ZNF628: variants seen among roughly 807,000 people sequenced by gnomAD.
ZNF628 encodes the protein zinc finger protein Zec.
In ZNF628, 3 loss-of-function variants were observed where a neutral mutation model predicts 2.5. The observed-to-expected ratio is 1.19, with a 90% CI of 0.54 to 3.07. The LOEUF (loss-of-function observed/expected upper bound fraction) is 3.07. ZNF628 is among the 30% of genes most tolerant of loss of function. The probability of loss-of-function intolerance (pLI) is 0.03; values close to 1 mark genes in which losing one functional copy is unlikely to be tolerated. For synonymous variants in ZNF628, 861 were observed against 717.1 expected (o/e 1.20, Z -3.21); for missense variants, 1,610 against 1,517.1 (o/e 1.06, Z -1.02).
In ZNF628 at chr19:55,481,458, G is replaced by A; in HGVS notation, c.265G>A (p.Glu89Lys). The stretch of plus-strand genomic sequence containing the variant: ...CTACCACCAGCGAGGCCACACGGGC[G>A]AGCGGCCCTACCAGTGCCCCGACTG... ...LLYHQRGHTG[E>K]RPYQCPDCPK... Residue 89 changes from glutamate (E) to lysine (K), a missense_variant, in exon 3 of 3, where the codon GAG (glutamate) becomes AAG (lysine). This residue lies in a region of ZNF628 where 166 missense variants were observed against 241.3 expected (regional missense o/e 0.69). Transcript: ENST00000598519. 6.2e-7 allele frequency: 1 copy of A among 1,612,772 alleles called. No homozygotes were observed. The highest frequency in any genetic ancestry group is 8.5e-7 in the Non-Finnish European group (1 of 1,179,676).
At chr19:55,476,875 C>CCG (rs1986558945) in intron 1 of ZNF628, 68 bp downstream of exon 1, 1 of 20,038 alleles carries the variant, frequency 5.0e-5, no homozygotes, top group African/African-American at 1.3e-4. Flanking sequence ...GGGGGTGGGG[C>CCG]GGGGGGGGGG....
In ZNF628 at chr19:55,484,034, TC is replaced by T. The variant is rs1216316705; in HGVS notation, c.2842del (p.Arg948AspfsTer7). The T allele has an allele frequency of 6.3e-7, 1 of 1,595,862 alleles. No individual in the cohort carries two copies. Among genetic ancestry groups the T allele is most frequent in the Non-Finnish European group, 8.5e-7 (1 of 1,171,762 alleles). The part of the protein sequence containing the change: ...VLSGADGEQT[R>X]LCVQEVETLP... ...TGAGCGGGGCCGATGGCGAACAGAC[TC>T]GACTCTGCGTACAGGAGGTAGAAAC... On this transcript the variant is annotated frameshift_variant, in exon 3 of 3. Transcript: ENST00000598519. LOFTEE classifies it low-confidence loss of function (END_TRUNC).
chr19:55,482,060 C>G lies in ZNF628; in HGVS notation c.867C>G (p.Thr289=). 6.7e-7 allele frequency: 1 copy of G among 1,500,110 alleles called. No individual in the cohort carries two copies. The highest frequency in any genetic ancestry group is 8.9e-7 in the Non-Finnish European group (1 of 1,126,798). The allele number at this position is 1,500,110 out of a possible 1,614,324, so 92.9% of individuals were successfully genotyped here. Residue 289 remains threonine, a synonymous_variant, in exon 3 of 3, where the codon ACC becomes ACG. Coordinates refer to ENST00000598519, the MANE Select transcript of ZNF628 (RefSeq NM_033113.3). ...VPELFLAAAE[T]TVELVYRCDG... is the part of the protein sequence containing the mutation. ...AGCTCTTTTTGGCGGCGGCGGAGAC[C>G]ACGGTGGAGCTGGTGTACCGCTGCG...
At chr19:55,477,548 G>A (rs1986586912) in intron 1 of ZNF628, among the ~76,000 whole-genome samples, 1 of 151,916 alleles carries the variant, frequency 6.6e-6, no homozygotes, top group South Asian at 2.1e-4. Context: ...GATCACTTGA[G>A]GCCAGGAGTT....
At position 55,482,328 on chromosome 19, in the gene ZNF628, G is replaced by A. The variant is rs1265625355; in HGVS notation, c.1135G>A (p.Gly379Arg). 4.8e-6 allele frequency: 7 copies of A among 1,458,796 alleles called. No individual in the cohort carries two copies. Among genetic ancestry groups the A allele is most frequent in the East Asian group, 6.0e-5 (2 of 33,104 alleles). The allele number at this position is 1,458,796 out of a possible 1,614,324, so 90.4% of individuals were successfully genotyped here. A position where few individuals can be genotyped will look rare whatever the true frequency, so the allele number is the denominator to read the frequency against. Residue 379 changes from glycine to arginine, a missense_variant, in exon 3 of 3, where the codon GGG becomes AGG. Around this residue, in one of 5 missense-constraint regions of ZNF628, gnomAD observed 651 missense variants for 575.6 expected, o/e 1.13. Transcript: ENST00000598519. ...AGLSRHQHSHGAAGGQAFRCG... is the reference protein window; with the variant it reads ...AGLSRHQHSHRAAGGQAFRCG... ...GCTCTCCCGCCACCAGCACAGCCAC[G>A]GGGCTGCCGGCGGGCAAGCGTTCCG...
chr19:55,483,718 C>A lies in ZNF628; in HGVS notation c.2525C>A (p.Thr842Lys), dbSNP rs1486070285. 6.2e-7 allele frequency: 1 copy of A among 1,613,156 alleles called. No homozygotes were observed. The highest frequency in any genetic ancestry group is 1.1e-5 in the South Asian group (1 of 91,074). The change falls in exon 3 of 3, where the codon ACA becomes AAA. Residue 842 changes from threonine to lysine, a missense_variant. Around this residue, in one of 5 missense-constraint regions of ZNF628, gnomAD observed 712 missense variants for 603.6 expected, o/e 1.18. Coordinates refer to ENST00000598519, the MANE Select transcript of ZNF628 (RefSeq NM_033113.3). Reference protein sequence around the residue: ...VQLQPAQEVTTVQLQPAQEVT... With the variant: ...VQLQPAQEVTKVQLQPAQEVT... ...CTCCAGCCAGCGCAGGAGGTGACCA[C>A]AGTCCAGCTCCAGCCAGCACAGGAA... is the stretch of plus-strand genomic sequence containing the variant.
At position 55,483,202 on chromosome 19, in the gene ZNF628, G is replaced by T. The variant is rs1017482348; in HGVS notation, c.2009G>T (p.Arg670Leu). 2.6e-6 allele frequency: 4 copies of T among 1,544,048 alleles called. No individual in the cohort carries two copies. The highest frequency in any genetic ancestry group is 3.5e-6 in the Non-Finnish European group (4 of 1,151,854). The change falls in exon 3 of 3, where the codon CGG becomes CTG. Residue 670 changes from arginine to leucine, a missense_variant. By Grantham distance (102) the Arg-to-Leu change is moderately radical (BLOSUM62 -2). This residue lies in a region of ZNF628 where 712 missense variants were observed against 603.6 expected (regional missense o/e 1.18). Coordinates refer to ENST00000598519, the MANE Select transcript of ZNF628 (RefSeq NM_033113.3). ...CCCCCTGCTCCACTGGCTGCTGCGCGGGCCCCGCCAGCCACCCAAGATGTC... is the reference window on the plus strand; with the variant it reads ...CCCCCTGCTCCACTGGCTGCTGCGCTGGCCCCGCCAGCCACCCAAGATGTC... ...PQPPAPLAAA[R>L]APPATQDVHV... is the part of the protein sequence containing the mutation.
In ZNF628 at chr19:55,481,256, C is replaced by G; in HGVS notation, c.63C>G (p.Ala21=). The G allele has an allele frequency of 6.3e-7, 1 of 1,584,220 alleles. No homozygotes were observed. The highest frequency in any genetic ancestry group is 8.6e-7 in the Non-Finnish European group (1 of 1,167,712). ...CGCCGGCCTCTACTGCGGAGGGGGC[C>G]GGGGAGAAGCCAGGCCCTGCGGCCC... is the stretch of plus-strand genomic sequence containing the variant. ...DMAPASTAEG[A]GEKPGPAAPA... Residue 21 remains alanine (A), a synonymous_variant, in exon 3 of 3, where the codon GCC becomes GCG. Transcript: ENST00000598519.
chr19:55,481,075 G>A, intron 2 of ZNF628, 126 bp from the exon 3 acceptor site: 1 of 1,282,172 alleles, frequency 7.8e-7, no homozygotes, highest in Non-Finnish European at 1.0e-6. Flanking sequence ...TCATCCTAAG[G>A]AAGGTCCCCT....
Position 55,482,508 on chromosome 19 carries a change from G to GCCCCCCCCCC in ZNF628, c.1315_1316insCCCCCCCCCC (p.Val439AlafsTer450). On this transcript the variant is annotated frameshift_variant, in exon 3 of 3. Coordinates refer to ENST00000598519, the MANE Select transcript of ZNF628 (RefSeq NM_033113.3). LOFTEE classifies it low-confidence loss of function (END_TRUNC). ...GGAACCGCTGGCGCCTGCCGCCCCC[G>GCCCCCCCCCC]TCCCGCCGCCACCCCCGTCCGCCCC... is the stretch of plus-strand genomic sequence containing the variant. The GCCCCCCCCCC allele has an allele frequency of 2.2e-5, 29 of 1,295,994 alleles. No homozygotes were observed. Among genetic ancestry groups the GCCCCCCCCCC allele is most frequent in the South Asian group, 4.4e-5 (3 of 68,288 alleles). 80.3% of individuals were successfully genotyped at this position (1,295,994 alleles called of 1,614,324 possible).
Position 55,483,687 on chromosome 19 carries a change from G to C in ZNF628, c.2494G>C (p.Val832Leu), listed in dbSNP as rs1415260584. The C allele has an allele frequency of 1.9e-6, 3 of 1,613,472 alleles. No homozygotes were observed. The highest frequency in any genetic ancestry group is 2.7e-5 in the African/African-American group (2 of 74,768). ...CCGACCAGCCCCAGAAGTAACCACG[G>C]TCCAGCTCCAGCCAGCGCAGGAGGT... is the stretch of plus-strand genomic sequence containing the variant. ...PLRPAPEVTTVQLQPAQEVTT... is the reference protein window; with the variant it reads ...PLRPAPEVTTLQLQPAQEVTT... Residue 832 changes from valine to leucine, a missense_variant, in exon 3 of 3, where the codon GTC becomes CTC. By Grantham distance (32) the Val-to-Leu change is conservative. Transcript: ENST00000598519.
At position 55,476,800 on chromosome 19, in the gene ZNF628, G is replaced by T. The variant is rs1261448177; in HGVS notation, c.-85G>T. 1.3e-5 allele frequency: 2 copies of T among 148,710 alleles called. No homozygotes were observed. Among genetic ancestry groups the T allele is most frequent in the African/African-American group, 4.9e-5 (2 of 40,552 alleles). The allele number at this position is 148,710 out of a possible 1,614,324, so 9.2% of individuals were successfully genotyped here. A position where few individuals can be genotyped will look rare whatever the true frequency, so the allele number is the denominator to read the frequency against. On this transcript the variant is annotated 5_prime_UTR_variant, in exon 1 of 3. Coordinates refer to ENST00000598519, the MANE Select transcript of ZNF628 (RefSeq NM_033113.3). ...CTGCCACCCTCGTTCCCCCGATTGG[G>T]GCCGCAGGTGAGAGACCGGAGGGGG...
chr19:55,477,307 T>C (rs1182591828), intron 1 of ZNF628, among the ~76,000 whole-genome samples: 1 of 151,838 alleles, frequency 6.6e-6, no homozygotes, highest in East Asian at 1.9e-4. Context: ...AAGGAGATGC[T>C]GGGGCTTCTC....
rs541614777 is a variant in ZNF628, at chr19:55,482,528, C to T, written c.1335C>T (p.Ser445=). The T allele has an allele frequency of 1.8e-4, 272 of 1,520,102 alleles. 4 individuals are homozygous for T. In the South Asian group the frequency reaches 2.1e-3, roughly 12 times the overall value. 94.2% of individuals were successfully genotyped at this position (1,520,102 alleles called of 1,614,324 possible). A position where few individuals can be genotyped will look rare whatever the true frequency, so the allele number is the denominator to read the frequency against. ...CCCCCGTCCCGCCGCCACCCCCGTC[C>T]GCCCCCGCTTCTGCGGAGCGGCCCT... is the stretch of plus-strand genomic sequence containing the variant. The part of the protein sequence containing the change: ...PAAPVPPPPP[S]APASAERPYK... The change falls in exon 3 of 3, where the codon TCC becomes TCT. Residue 445 remains serine, a synonymous_variant. Coordinates refer to ENST00000598519, the MANE Select transcript of ZNF628 (RefSeq NM_033113.3).
At chr19:55,477,383 C>T (rs1217539693) in intron 1 of ZNF628, among the ~76,000 whole-genome samples, 2 of 147,804 alleles carry the variant, frequency 1.4e-5, no homozygotes, top group East Asian at 2.1e-4. Context: ...TTTCTGGAGA[C>T]GGAGTCTTGC....
rs1005681256 is a variant in ZNF628 at position 55,482,720 on chromosome 19, C to A, written c.1527C>A (p.Ala509=). 6.2e-7 allele frequency: 1 copy of A among 1,612,868 alleles called. No homozygotes were observed. Among genetic ancestry groups the A allele is most frequent in the South Asian group, 1.1e-5 (1 of 91,058 alleles). ...IHQRVHTGLR[A]FTCGQCGLTF... ...AGCGGGTGCACACGGGCCTGCGGGC[C>A]TTCACCTGTGGCCAGTGCGGCCTCA... The change falls in exon 3 of 3, where the codon GCC becomes GCA. Residue 509 remains alanine, a synonymous_variant. Coordinates refer to ENST00000598519, the MANE Select transcript of ZNF628 (RefSeq NM_033113.3).
At position 55,482,436 on chromosome 19, in the gene ZNF628, G is replaced by C. The variant is rs1290877894; in HGVS notation, c.1243G>C (p.Gly415Arg). The C allele has an allele frequency of 1.4e-5, 19 of 1,351,232 alleles. No homozygotes were observed. The highest frequency in any genetic ancestry group is 5.1e-5 in the South Asian group (3 of 59,082). The allele number at this position is 1,351,232 out of a possible 1,614,324, so 83.7% of individuals were successfully genotyped here. A position where few individuals can be genotyped will look rare whatever the true frequency, so the allele number is the denominator to read the frequency against. The change falls in exon 3 of 3, where the codon GGG becomes CGG. Residue 415 changes from glycine to arginine, a missense_variant. Physicochemically the swap from Gly to Arg is moderately radical, Grantham distance 125. This residue lies in a region of ZNF628 where 651 missense variants were observed against 575.6 expected (regional missense o/e 1.13). Transcript: ENST00000598519. Reference protein sequence around the residue: ...QQCHVEEAAAGRPPPQAEAAE... With the variant: ...QQCHVEEAAARRPPPQAEAAE... Reference sequence around the variant, plus strand: ...GTGCCACGTGGAAGAGGCCGCGGCCGGGCGCCCGCCCCCGCAGGCTGAGGC... The same window carrying C: ...GTGCCACGTGGAAGAGGCCGCGGCCCGGCGCCCGCCCCCGCAGGCTGAGGC...
Position 55,481,767 on chromosome 19 carries a change from C to T in ZNF628, c.574C>T (p.Arg192Trp). 5 of 1,610,056 alleles carry T rather than the reference C, an allele frequency of 3.1e-6. No homozygotes were observed. Among genetic ancestry groups the T allele is most frequent in the Admixed American group, 1.7e-5 (1 of 59,646 alleles). The change falls in exon 3 of 3, where the codon CGG becomes TGG. Residue 192 changes from arginine (R) to tryptophan (W), a missense_variant. Physicochemically the swap from Arg to Trp is moderately radical, Grantham distance 101 (BLOSUM62 -3). Transcript: ENST00000598519. Reference sequence around the variant, plus strand: ...GAGCTTCACGCAGAGCACCAACCTGCGGCAGCACCAGCGCGTGCACACGGG... The same window carrying T: ...GAGCTTCACGCAGAGCACCAACCTGTGGCAGCACCAGCGCGTGCACACGGG... ...GKSFTQSTNLRQHQRVHTGER... is the reference protein window; with the variant it reads ...GKSFTQSTNLWQHQRVHTGER...
chr19:55,481,910 G>A lies in ZNF628; in HGVS notation c.717G>A (p.Pro239=), dbSNP rs1182488383. The change falls in exon 3 of 3, where the codon CCG becomes CCA. Residue 239 remains proline, a synonymous_variant. Transcript: ENST00000598519. ...APAPGTASAA[P]PPQSREPGKV... is the part of the protein sequence containing the mutation. ...CCCCGGGTACCGCCTCCGCGGCCCC[G>A]CCCCCCCAGTCCCGGGAGCCCGGCA... The A allele has an allele frequency of 2.9e-6, 4 of 1,365,960 alleles. No homozygotes were observed. The highest frequency in any genetic ancestry group is 1.4e-5 in the South Asian group (1 of 73,246). The allele number at this position is 1,365,960 out of a possible 1,614,324, so 84.6% of individuals were successfully genotyped here.
Sources: allele counts gnomAD v4.1 joint callset (sites outside exome capture counted in the v4.1 genomes callset), GRCh38; gene constraint gnomAD v4.1.1; regional missense constraint gnomAD v4.1.1; transcripts MANE v1.5; gene names NCBI Gene and HGNC (gene_info 2026-07-23, HGNC 2026-07-21).